Variants in INO80B observed in about 807,000 individuals in gnomAD.
The protein encoded by INO80B is IES2 homolog.
In INO80B, 18 loss-of-function variants were observed where a neutral mutation model predicts 31.4. The ratio of observed to expected loss-of-function variants is 0.57; its 90% CI spans 0.40 to 0.85. INO80B has a LOEUF of 0.85. INO80B is among the 40% of genes least tolerant of loss of function. The pLI is 0.00. For synonymous variants in INO80B, 238 were observed against 199.0 expected, an observed-to-expected ratio of 1.20 and a Z score of -1.65; for missense variants, 469 against 475.4, an observed-to-expected ratio of 0.99 and a Z score of 0.13.
At chr2:74,455,269 C>CA (rs755435841) in intron 1 of INO80B, 95 bp downstream of exon 1, 4 of 1,544,820 alleles carry the variant, frequency 2.6e-6, no homozygotes, top group Non-Finnish European at 3.6e-6. Context: ...CCACAGGTGG[C>CA]AAGGAGAAAG....
chr2:74,455,163 C>T lies in INO80B; in HGVS notation c.47C>T (p.Ala16Val), dbSNP rs748955330. 4.3e-6 allele frequency: 7 copies of T among 1,614,030 alleles called. No homozygotes were observed. The highest frequency in any genetic ancestry group is 5.9e-6 in the Non-Finnish European group (7 of 1,179,986). ...GGGAGCACCTCTGGGGCTATGGAGG[C>T]CCCTGAGCCGGGTAAGCGCGAATAG... ...RRGSTSGAME[A>V]PEPGEALELS... The change falls in exon 1 of 5, where the codon GCC (alanine) becomes GTC (valine). Residue 16 changes from alanine (A) to valine (V), a missense_variant. Transcript: ENST00000233331.
At chr2:74,456,385 G>C in intron 4 of INO80B, 113 bp downstream of exon 4, 1 of 1,033,442 alleles carries the variant, frequency 9.7e-7, no homozygotes, top group Non-Finnish European at 1.4e-6. Flanking sequence ...AAAAGACAAA[G>C]TTTCTGTTCT....
At chr2:74,456,814 A>G (rs1045970137) in intron 4 of INO80B, among the ~76,000 whole-genome samples, 5 of 152,260 alleles carry the variant, frequency 3.3e-5, no homozygotes, top group Non-Finnish European at 5.9e-5. Context: ...GAAGCTGTTG[A>G]AGTAATCAGC....
rs767375069 is a variant in INO80B at position 74,457,384 on chromosome 2, G to T, written c.591G>T (p.Leu197=). 9 of 1,608,232 alleles carry T rather than the reference G, an allele frequency of 5.6e-6. No individual in the cohort carries two copies. In the East Asian group the frequency reaches 6.7e-5, roughly 12 times the overall value. ...GTCAACCTTCCCCTATGCTGCCGCT[G>T]CCTGTAGCTGAGGGCTGCCCACCTC... ...ARSQPSPMLP[L]PVAEGCPPPA... is the part of the protein sequence containing the mutation. The change falls in exon 5 of 5, where the codon CTG becomes CTT. Residue 197 remains leucine, a synonymous_variant. Coordinates refer to ENST00000233331, the MANE Select transcript of INO80B (RefSeq NM_031288.4).
chr2:74,456,885 A>T (rs986942012), intron 4 of INO80B, among the ~76,000 whole-genome samples: 8 of 152,236 alleles, frequency 5.3e-5, no homozygotes, highest in African/African-American at 1.9e-4. Flanking sequence ...AATCAGATGA[A>T]TTATGGCTAT....
At chr2:74,456,422 G>C in intron 4 of INO80B, 150 bp downstream of exon 4, 1 of 698,822 alleles carries the variant, frequency 1.4e-6, no homozygotes, top group African/African-American at 1.8e-5. Flanking sequence ...TAGTGTGTGT[G>C]TTGGGGGGCT....
rs769306662 is a variant in INO80B at position 74,456,207 on chromosome 2, G to C, written c.475G>C (p.Gly159Arg). ...EQRWLDALEK[G>R]ELDDNGDLKK... ...GAGGTGGCTGGATGCCCTGGAGAAG[G>C]GGGAGCTGGATGACAATGGAGACCT... The change falls in exon 4 of 5, where the codon GGG (glycine) becomes CGG (arginine). Residue 159 changes from glycine (G) to arginine (R), a missense_variant. Physicochemically the swap from Gly to Arg is moderately radical, Grantham distance 125. Transcript: ENST00000233331. 6.2e-7 allele frequency: 1 copy of C among 1,614,132 alleles called. No homozygotes were observed. The highest frequency in any genetic ancestry group is 2.2e-5 in the East Asian group (1 of 44,888).
intron 2 of INO80B, 63 bp downstream of exon 2, chr2:74,455,661 G>T: frequency 2.6e-6 from 4 of 1,520,536 alleles, no homozygotes; most frequent in East Asian, 2.3e-5. Context: ...GTAGTTAGAA[G>T]CCGACTGGGC....
chr2:74,456,415 T>C, intron 4 of INO80B, 143 bp downstream of exon 4: 1 of 742,990 alleles, frequency 1.3e-6, no homozygotes, highest in South Asian at 1.8e-5. Flanking sequence ...AGTATTCTAG[T>C]GTGTGTGTTG....
Position 74,457,849 on chromosome 2 carries a change from C to G in INO80B, c.1056C>G (p.Pro352=), listed in dbSNP as rs148261026. The change falls in exon 5 of 5, where the codon CCC becomes CCG. Residue 352 remains proline (P), a synonymous_variant. Transcript: ENST00000233331. ...GGGGGCCCGAGGGTCCTGGATCCCC[C>G]CTTTTGGCTACGTAAGGCCCTTAAC... ...RLGGPEGPGS[P]LLAT 685 of 1,561,452 alleles carry G rather than the reference C, an allele frequency of 4.4e-4. No individual in the cohort carries two copies. Among genetic ancestry groups the G allele is most frequent in the Middle Eastern group, 2.7e-3 (16 of 5,882 alleles).
At position 74,455,808 on chromosome 2, in the gene INO80B, T is replaced by G. The variant is rs534278134; in HGVS notation, c.252-10T>G. On this transcript the variant is annotated splice_polypyrimidine_tract_variant and intron_variant, in intron 2 of 4. Transcript: ENST00000233331. ...TGCTCATTTTAAAGAGTAGTGTTGC[T>G]TCTCTGCAGTGTTCCTACCTTCACT... 1.3e-6 allele frequency: 2 copies of G among 1,569,588 alleles called. No individual in the cohort carries two copies. Among genetic ancestry groups the G allele is most frequent in the African/African-American group, 2.7e-5 (2 of 74,068 alleles).
At position 74,457,705 on chromosome 2, in the gene INO80B, C is replaced by G; in HGVS notation, c.912C>G (p.Gly304=). The G allele has an allele frequency of 6.3e-7, 1 of 1,599,818 alleles. No homozygotes were observed. The change falls in exon 5 of 5, where the codon GGC becomes GGG. Residue 304 remains glycine, a synonymous_variant. Coordinates refer to ENST00000233331, the MANE Select transcript of INO80B (RefSeq NM_031288.4). ...TGTCTCAGCGGCCATCCCCCTCAGG[C>G]CCGCCGCCGCGCTGCTCTGTCCCCG... ...TAVSQRPSPS[G]PPPRCSVPGC...
chr2:74,457,668 C>T lies in INO80B; in HGVS notation c.875C>T (p.Ala292Val), dbSNP rs1671743254. 1.3e-6 allele frequency: 2 copies of T among 1,599,734 alleles called. No homozygotes were observed. The highest frequency in any genetic ancestry group is 8.5e-7 in the Non-Finnish European group (1 of 1,178,690). ...STLSFPPGVP[A>V]PTAVSQRPSP... ...CTTTCCTTCCCACCTGGCGTCCCCG[C>T]CCCCACGGCAGTGTCTCAGCGGCCA... Residue 292 changes from alanine to valine, a missense_variant, in exon 5 of 5, where the codon GCC becomes GTC. Ala to Val is a moderately conservative substitution (Grantham distance 64). Around this residue, in one of 3 missense-constraint regions of INO80B, gnomAD observed 201 missense variants for 151.7 expected, o/e 1.32. Transcript: ENST00000233331.
intron 2 of INO80B, 43 bp downstream of exon 2, chr2:74,455,641 A>G (rs768350837): frequency 1.3e-6 from 2 of 1,559,386 alleles, no homozygotes; most frequent in Non-Finnish European, 8.7e-7. Context: ...GAACTTTAGG[A>G]GCAGAGATAG....
At position 74,456,312 on chromosome 2, in the gene INO80B, C is replaced by G. The variant is rs376897681; in HGVS notation, c.540+40C>G. Reference sequence around the variant, plus strand: ...TGTTTATTCACTCACCAAATGTATACAGTATTGAGAACTCTCCACGACCCA... The same window carrying G: ...TGTTTATTCACTCACCAAATGTATAGAGTATTGAGAACTCTCCACGACCCA... On this transcript the variant is annotated intron_variant, in intron 4 of 4. Transcript: ENST00000233331. The G allele has an allele frequency of 4.7e-5, 76 of 1,606,768 alleles. No homozygotes were observed. The South Asian group carries it at 7.5e-4, about 16-fold the overall frequency.
chr2:74,457,607 A>C lies in INO80B; in HGVS notation c.814A>C (p.Met272Leu). The C allele has an allele frequency of 1.3e-6, 2 of 1,560,982 alleles. No homozygotes were observed. Among genetic ancestry groups the C allele is most frequent in the South Asian group, 2.3e-5 (2 of 86,356 alleles). Reference protein sequence around the residue: ...RGGRAAAPAPMVRYCSGAQGS... With the variant: ...RGGRAAAPAPLVRYCSGAQGS... ...AGGGCGGGCTGCGGCTCCGGCCCCC[A>C]TGGTGCGCTACTGCAGCGGAGCACA... is the stretch of plus-strand genomic sequence containing the variant. The change falls in exon 5 of 5, where the codon ATG (methionine) becomes CTG (leucine). Residue 272 changes from methionine to leucine, a missense_variant. Met to Leu is a conservative substitution (Grantham distance 15, BLOSUM62 2). Coordinates refer to ENST00000233331, the MANE Select transcript of INO80B (RefSeq NM_031288.4).
At chr2:74,455,201 A>G in intron 1 of INO80B, 27 bp downstream of exon 1, 1 of 1,613,032 alleles carries the variant, frequency 6.2e-7, no homozygotes, top group Non-Finnish European at 8.5e-7. Context: ...CAAGCAATTT[A>G]GGTCGTGTTA....
intron 4 of INO80B, 54 bp downstream of exon 4, chr2:74,456,326 C>T (rs980473227): frequency 4.6e-5 from 73 of 1,584,398 alleles, no homozygotes; most frequent in Non-Finnish European, 6.2e-5. Flanking sequence ...ATTGAGAACT[C>T]TCCACGACCC....
chr2:74,457,773 A>AGGC lies in INO80B; in HGVS notation c.981_983dup (p.Ala328dup), dbSNP rs762566711. The stretch of plus-strand genomic sequence containing the variant: ...CGCTACGCTTGCTCCCGCACAGGCC[A>AGGC]GGCACTCTGTAGTCTTCAGTGCTAC... On this transcript the variant is annotated inframe_insertion, in exon 5 of 5. Transcript: ENST00000233331. The AGGC allele has an allele frequency of 1.3e-6, 2 of 1,598,876 alleles. No individual in the cohort carries two copies. The highest frequency in any genetic ancestry group is 2.7e-5 in the African/African-American group (2 of 74,664).
Sources: gnomAD v4.1 joint callset for allele counts (sites outside exome capture counted in the v4.1 genomes callset) on GRCh38, gnomAD v4.1.1 for gene constraint, gnomAD v4.1.1 regional missense constraint, MANE v1.5 for transcripts, NCBI Gene and HGNC (gene_info 2026-07-23, HGNC 2026-07-21) for gene names.